The following FGF14 variants were observed in gnomAD, a reference collection of about 807,000 sequenced individuals.
FGF14 encodes fibroblast growth factor 14.
FGF14 carries 5 observed loss-of-function variants against 25.5 expected under a neutral mutation model. The ratio of observed to expected loss-of-function variants is 0.20; its 90% confidence interval spans 0.10 to 0.41. The LOEUF (loss-of-function observed/expected upper bound fraction) is 0.41. Ranked by LOEUF, FGF14 falls within the 10% of genes least tolerant of loss-of-function variation. The probability of loss-of-function intolerance (pLI) is 1.00; values close to 1 mark genes in which losing one functional copy is unlikely to be tolerated. For missense variants in FGF14, 222 were observed against 320.1 expected (o/e 0.69, Z 2.34); for synonymous variants, 138 against 118.3 (o/e 1.17, Z -1.08).
chr13:102,192,580 C>T (rs541203590), intron 1 of FGF14, among the ~76,000 whole-genome samples: 1 of 152,150 alleles, frequency 6.6e-6, no homozygotes, highest in East Asian at 1.9e-4. Flanking sequence ...ACAGGAGGAA[C>T]CAAGCCACTC....
intron 1 of FGF14, among the ~76,000 whole-genome samples, chr13:102,259,020 G>T (rs1157407397): frequency 2.0e-5 from 3 of 152,106 alleles, no homozygotes; most frequent in Non-Finnish European, 4.4e-5. Context: ...AAAAGAACAT[G>T]ATCTGAAAAA....
intron 1 of FGF14, among the ~76,000 whole-genome samples, chr13:102,359,917 C>T (rs946007653): frequency 1.3e-5 from 2 of 149,658 alleles, no homozygotes; most frequent in Non-Finnish European, 3.0e-5. Context: ...TTTCTAAGCC[C>T]TAAAAATAAC....
At position 101,916,525 on chromosome 13, in the gene FGF14, T is replaced by C. The variant is rs1173721174; in HGVS notation, c.121A>G (p.Asn41Asp). The C allele has an allele frequency of 1.2e-6, 2 of 1,613,782 alleles. No individual in the cohort carries two copies. Among genetic ancestry groups the C allele is most frequent in the South Asian group, 2.2e-5 (2 of 91,086 alleles). Residue 41 changes from asparagine (N) to aspartate (D), a missense_variant, in exon 1 of 5, where the codon AAC becomes GAC. By Grantham distance (23) the Asn-to-Asp change is conservative (BLOSUM62 1). This residue lies in a region of FGF14 where 80 missense variants were observed against 72.2 expected (regional missense o/e 1.11). Coordinates refer to ENST00000376143, the MANE Select transcript of FGF14 (RefSeq NM_004115.4). ...GAGAAGATATCCACCAGGTTGCCGT[T>C]GCAGAGCCCGCGGTTCTTGCTGGGG... The part of the protein sequence containing the change: ...SSPSKNRGLC[N>D]GNLVDIFSKV...
chr13:102,190,255 C>T (rs1456951411), intron 1 of FGF14, among the ~76,000 whole-genome samples: 1 of 152,186 alleles, frequency 6.6e-6, no homozygotes, highest in Non-Finnish European at 1.5e-5. Flanking sequence ...AGGGGATTGA[C>T]ATACGCTTTA....
intron 1 of FGF14, among the ~76,000 whole-genome samples, chr13:102,008,760 C>A (rs955736382): frequency 2.0e-5 from 3 of 152,062 alleles, no homozygotes; most frequent in Non-Finnish European, 4.4e-5. Context: ...GGGAACTAAT[C>A]TATTTAATAT....
At chr13:102,200,463 TA>T (rs948711154) in intron 1 of FGF14, among the ~76,000 whole-genome samples, 1 of 152,114 alleles carries the variant, frequency 6.6e-6, no homozygotes, top group African/African-American at 2.4e-5. Context: ...CTATACACCA[TA>T]AAAAATGCTC....
chr13:101,742,365 T>A (rs2036610305), intron 3 of FGF14, among the ~76,000 whole-genome samples: 1 of 152,122 alleles, frequency 6.6e-6, no homozygotes, highest in African/African-American at 2.4e-5. Flanking sequence ...CAAGAATGAA[T>A]GAACAAGAAG....
chr13:102,139,456 A>G (rs1184662328), intron 1 of FGF14, among the ~76,000 whole-genome samples: 1 of 152,190 alleles, frequency 6.6e-6, no homozygotes, highest in Non-Finnish European at 1.5e-5. Flanking sequence ...CAGGATTAGT[A>G]TAATGATTAA....
chr13:102,128,183 TAAA>T (rs1202680361), intron 1 of FGF14, among the ~76,000 whole-genome samples: 1 of 131,602 alleles, frequency 7.6e-6, no homozygotes, highest in South Asian at 2.2e-4. Context: ...TTCTCATCTA[TAAA>T]AAAGATGATG....
At chr13:101,803,951 A>G (rs2041051763) in intron 3 of FGF14, among the ~76,000 whole-genome samples, 1 of 152,100 alleles carries the variant, frequency 6.6e-6, no homozygotes, top group Non-Finnish European at 1.5e-5. Context: ...AGCTATTTGC[A>G]TTTAGTTGAA....
At chr13:102,001,054 CAGAG>C (rs957633639) in intron 1 of FGF14, among the ~76,000 whole-genome samples, 16 of 151,968 alleles carry the variant, frequency 1.1e-4, no homozygotes, top group African/African-American at 3.1e-4. Flanking sequence ...AGTCAGGAAA[CAGAG>C]AGCATAAATA....
At chr13:102,002,319 T>A (rs1312355444) in intron 1 of FGF14, 1 of 152,236 alleles carries the variant, frequency 6.6e-6, no homozygotes, top group Non-Finnish European at 1.5e-5. Context: ...ACAAGCCAGT[T>A]TTTTCCTTTT....
chr13:101,950,001 C>T (rs1369565654), intron 1 of FGF14, among the ~76,000 whole-genome samples: 18 of 151,982 alleles, frequency 1.2e-4, no homozygotes, highest in African/African-American at 2.2e-4. Context: ...TTTTCTTTTT[C>T]TTTTTCTTTT....
chr13:101,739,957 C>T (rs1028500593), intron 3 of FGF14, among the ~76,000 whole-genome samples: 7 of 152,102 alleles, frequency 4.6e-5, no homozygotes, highest in South Asian at 2.1e-4. Flanking sequence ...ACTTAGAACC[C>T]GATGTTACCC....
At chr13:102,297,980 T>G (rs1329574323) in intron 1 of FGF14, among the ~76,000 whole-genome samples, 1 of 152,098 alleles carries the variant, frequency 6.6e-6, no homozygotes. Flanking sequence ...CAACAACACA[T>G]GGCCGTAATT....
At chr13:101,850,113 T>C (rs932374069) in intron 3 of FGF14, among the ~76,000 whole-genome samples, 7 of 150,974 alleles carry the variant, frequency 4.6e-5, no homozygotes, top group African/African-American at 1.7e-4. Flanking sequence ...GTAAGCAAAA[T>C]AAATTCTAAC....
At chr13:102,363,945 C>T (rs1031824182) in intron 1 of FGF14, among the ~76,000 whole-genome samples, 8 of 152,306 alleles carry the variant, frequency 5.3e-5, no homozygotes, top group African/African-American at 1.9e-4. Flanking sequence ...TCTTGACTAC[C>T]ATTTTGTTGC....
chr13:102,070,457 T>C lies in FGF14; in HGVS notation c.209-195161A>G, dbSNP rs2043109612. Among the ~76,000 whole-genome samples the C allele has an allele frequency of 2.6e-5, 4 of 152,282 alleles. No homozygotes were observed. The South Asian group carries it at 8.3e-4, about 32-fold the overall frequency. ...GGAATGTGAATTACAACAACCACTG[T>C]AGAGAACAGTTTGGAGGTTCCTCAA... On this transcript the variant is annotated intron_variant, in intron 1 of 4. Transcript: ENST00000376131.
At chr13:102,008,628 A>G (rs1235660112) in intron 1 of FGF14, among the ~76,000 whole-genome samples, 1 of 152,126 alleles carries the variant, frequency 6.6e-6, no homozygotes, top group Non-Finnish European at 1.5e-5. Flanking sequence ...GATGGTTGGT[A>G]TATTTCTCAG....
Sources: gnomAD v4.1 joint callset for allele counts (sites outside exome capture counted in the v4.1 genomes callset) on GRCh38, gnomAD v4.1.1 for gene constraint, gnomAD v4.1.1 regional missense constraint, MANE v1.5 for transcripts, NCBI Gene and HGNC (gene_info 2026-07-23, HGNC 2026-07-21) for gene names.